Variants in THEMIS observed in about 807,000 individuals in gnomAD.
THEMIS encodes the protein thymocyte selection associated.
THEMIS carries 37 observed loss-of-function variants against 52.6 expected under a neutral mutation model. The ratio of observed to expected loss-of-function variants is 0.70; its 90% confidence interval spans 0.54 to 0.93. The LOEUF (loss-of-function observed/expected upper bound fraction) is 0.93, where lower values mean the gene tolerates loss of function less well. Ranked by LOEUF, THEMIS falls within the 40% of genes least tolerant of loss-of-function variation. The pLI is 0.00. For synonymous variants in THEMIS, 292 were observed against 272.7 expected (o/e 1.07, Z -0.70); for missense variants, 808 against 763.1 (o/e 1.06, Z -0.69).
In THEMIS at chr6:127,907,337, A is replaced by ATTTTTTTTTTTTTTTTTTTTTTT. The variant is rs58472332; in HGVS notation, c.-149-6279_-149-6257dup. On this transcript the variant is annotated intron_variant, in intron 1 of 6. Coordinates refer to the THEMIS transcript ENST00000368250. ...AATACCATTAGGGCATTAGGCTCGGATTTTTTTTTTTTTTTTTTTTTTTTT... is the reference window on the plus strand; with the variant it reads ...AATACCATTAGGGCATTAGGCTCGGATTTTTTTTTTTTTTTTTTTTTTTTTTTTTTTTTTTTTTTTTTTTTTTT... Among the ~76,000 whole-genome samples, 12 of 49,452 alleles carry ATTTTTTTTTTTTTTTTTTTTTTT rather than the reference A, an allele frequency of 2.4e-4. 3 individuals are homozygous for ATTTTTTTTTTTTTTTTTTTTTTT. Among genetic ancestry groups the ATTTTTTTTTTTTTTTTTTTTTTT allele is most frequent in the Non-Finnish European group, 3.7e-4 (10 of 26,670 alleles). 32.4% of individuals were successfully genotyped at this position (49,452 alleles called of 152,430 possible). A position where few individuals can be genotyped will look rare whatever the true frequency, so the allele number is the denominator to read the frequency against.
At chr6:127,855,213 A>T in intron 1 of THEMIS, 25 bp from the exon 2 acceptor site, 3 of 1,553,792 alleles carry the variant, frequency 1.9e-6, no homozygotes, top group Non-Finnish European at 2.6e-6. Context: ...AAGTTAAAAC[A>T]GCTTTTTAAA....
At chr6:127,897,979 T>G (rs1352214387) in intron 1 of THEMIS, among the ~76,000 whole-genome samples, 1 of 151,728 alleles carries the variant, frequency 6.6e-6, no homozygotes, top group Non-Finnish European at 1.5e-5. Flanking sequence ...CAGCATGGAT[T>G]AGTTTCACAA....
intron 4 of THEMIS, among the ~76,000 whole-genome samples, chr6:127,729,141 TCTCTC>T (rs2114515098): frequency 2.3e-3 from 2 of 886 alleles, no homozygotes; most frequent in East Asian, 0.012. Context: ...ACCAATTTAT[TCTCTC>T]TCTCTCTCTC....
At chr6:127,765,577 C>T (rs1320656475) in intron 4 of THEMIS, among the ~76,000 whole-genome samples, 1 of 152,100 alleles carries the variant, frequency 6.6e-6, no homozygotes, top group Non-Finnish European at 1.5e-5. Context: ...ATCGGGTATA[C>T]AGTCATGTGC....
chr6:127,893,590 C>T (rs147283147), intron 1 of THEMIS, among the ~76,000 whole-genome samples: 140 of 152,240 alleles, frequency 9.2e-4, no homozygotes, highest in African/African-American at 2.3e-3. Flanking sequence ...CACATCGATA[C>T]GGCTCCTAAA....
intron 4 of THEMIS, among the ~76,000 whole-genome samples, chr6:127,778,301 G>T (rs1408929854): frequency 6.6e-6 from 1 of 152,002 alleles, no homozygotes; most frequent in Admixed American, 6.6e-5. Flanking sequence ...GAACTGAATT[G>T]GATTTTTTAA....
chr6:127,828,680 C>T (rs1453971341), intron 3 of THEMIS, among the ~76,000 whole-genome samples: 1 of 152,146 alleles, frequency 6.6e-6, no homozygotes, highest in Non-Finnish European at 1.5e-5. Flanking sequence ...CCGGGCCGGG[C>T]GCGATGGCTC....
chr6:127,706,187 A>C (rs184401695), downstream of THEMIS, among the ~76,000 whole-genome samples: 142 of 151,966 alleles, frequency 9.3e-4, no homozygotes, highest in African/African-American at 3.3e-3. Flanking sequence ...ACCTTGATGT[A>C]ATATTTTATA....
chr6:127,823,635 G>T (rs1183382805), intron 3 of THEMIS, among the ~76,000 whole-genome samples: 1 of 151,946 alleles, frequency 6.6e-6, no homozygotes, highest in Non-Finnish European at 1.5e-5. Context: ...AATGAAAATT[G>T]TGTTTTACTA....
rs1773865069 is a variant in THEMIS at position 127,708,477 on chromosome 6, G to T, written c.*1508C>A. ...ACAAAAATATTAATTATTCACTATT[G>T]TTTGAAAAATAACAAATTATATGAG... On this transcript the variant is annotated 3_prime_UTR_variant, in exon 6 of 6. Coordinates refer to ENST00000368248, the MANE Select transcript of THEMIS (RefSeq NM_001010923.3). 1 of 151,924 alleles carries T rather than the reference G, an allele frequency of 6.6e-6. No individual in the cohort carries two copies. Among genetic ancestry groups the T allele is most frequent in the Admixed American group, 6.6e-5 (1 of 15,238 alleles). 9.4% of individuals were successfully genotyped at this position (151,924 alleles called of 1,614,324 possible).
At chr6:127,715,893 T>C (rs998260358) in intron 5 of THEMIS, among the ~76,000 whole-genome samples, 5 of 151,858 alleles carry the variant, frequency 3.3e-5, no homozygotes, top group African/African-American at 1.2e-4. Flanking sequence ...ACTATTTTGA[T>C]GGAGAAAGTC....
intron 4 of THEMIS, among the ~76,000 whole-genome samples, chr6:127,734,497 T>C (rs560110173): frequency 6.6e-6 from 1 of 152,282 alleles, no homozygotes; most frequent in Non-Finnish European, 1.5e-5. Flanking sequence ...TTGTGTATTC[T>C]TGAAATTTTT....
intron 2 of THEMIS, among the ~76,000 whole-genome samples, chr6:127,835,984 T>C (rs904042291): frequency 4.6e-5 from 7 of 152,158 alleles, no homozygotes; most frequent in African/African-American, 1.7e-4. Context: ...TAAATGCAAA[T>C]ATTATGCTGC....
intron 4 of THEMIS, among the ~76,000 whole-genome samples, chr6:127,790,954 A>C (rs1392560947): frequency 6.6e-6 from 1 of 152,208 alleles, no homozygotes; most frequent in African/African-American, 2.4e-5. Flanking sequence ...GCCAGGAACC[A>C]CAGAACCCCA....
intron 3 of THEMIS, among the ~76,000 whole-genome samples, chr6:127,824,484 C>T (rs1410498366): frequency 2.0e-5 from 3 of 152,004 alleles, no homozygotes; most frequent in Non-Finnish European, 1.5e-5. Flanking sequence ...TATATAGAAA[C>T]AGTGCCTTAC....
At chr6:127,888,270 A>C (rs1376812055) in intron 1 of THEMIS, among the ~76,000 whole-genome samples, 1 of 152,062 alleles carries the variant, frequency 6.6e-6, no homozygotes, top group African/African-American at 2.4e-5. Flanking sequence ...TTGAGAAAAA[A>C]TGGAGGGTTT....
chr6:127,764,526 A>G (rs1240835777), intron 4 of THEMIS, among the ~76,000 whole-genome samples: 1 of 152,028 alleles, frequency 6.6e-6, no homozygotes, highest in Non-Finnish European at 1.5e-5. Flanking sequence ...ATGGGACACT[A>G]GGCTACAAAC....
chr6:127,768,734 G>A (rs1034255187), intron 4 of THEMIS, among the ~76,000 whole-genome samples: 5 of 152,158 alleles, frequency 3.3e-5, no homozygotes, highest in Non-Finnish European at 4.4e-5. Context: ...AAATTAAAAT[G>A]TTTGTAAACA....
chr6:127,730,361 GAAGAC>G (rs1486045365), intron 4 of THEMIS, among the ~76,000 whole-genome samples: 3 of 135,008 alleles, frequency 2.2e-5, no homozygotes, highest in Non-Finnish European at 4.8e-5. Flanking sequence ...GAAGAAAAGA[GAAGAC>G]AAGAGAAGAG....
Sources: allele counts gnomAD v4.1 joint callset (sites outside exome capture counted in the v4.1 genomes callset), GRCh38; gene constraint gnomAD v4.1.1; transcripts MANE v1.5; gene names NCBI Gene and HGNC (gene_info 2026-07-23, HGNC 2026-07-21).